Variants in ADAMTSL3 observed in about 807,000 individuals in gnomAD.
ADAMTSL3 encodes ADAMTS-like protein 3.
A neutral mutation model predicts 201.7 loss-of-function variants in ADAMTSL3; 128 were observed. The ratio of observed to expected loss-of-function variants is 0.63; its 90% CI spans 0.55 to 0.73. The LOEUF (loss-of-function observed/expected upper bound fraction) is 0.73. Ranked by LOEUF, ADAMTSL3 falls within the 30% of genes least tolerant of loss-of-function variation. The probability of loss-of-function intolerance (pLI) is 0.00; values close to 1 mark genes in which losing one functional copy is unlikely to be tolerated. For missense variants in ADAMTSL3, 1,990 were observed against 2,119.6 expected, an observed-to-expected ratio of 0.94 and a Z score of 1.20; for synonymous variants, 738 against 748.4, an observed-to-expected ratio of 0.99 and a Z score of 0.23.
intron 24 of ADAMTSL3, among the ~76,000 whole-genome samples, chr15:84,015,851 C>A (rs773903047): frequency 6.6e-6 from 1 of 152,228 alleles, no homozygotes; most frequent in Non-Finnish European, 1.5e-5. Flanking sequence ...TCCTACCTGG[C>A]ATACCTCTTC....
At chr15:83,846,085 C>T (rs962828387) in intron 7 of ADAMTSL3, among the ~76,000 whole-genome samples, 1 of 152,170 alleles carries the variant, frequency 6.6e-6, no homozygotes, top group Admixed American at 6.5e-5. Flanking sequence ...TTATTAGTAG[C>T]CAAGCACTGC....
chr15:83,913,037 C>G, intron 15 of ADAMTSL3, 55 bp from the exon 16 acceptor site: 1 of 1,566,260 alleles, frequency 6.4e-7, no homozygotes, highest in Non-Finnish European at 8.7e-7. Flanking sequence ...CCTTTTCTGG[C>G]CTATATTTAA....
chr15:84,032,685 G>A (rs1163496423), intron 28 of ADAMTSL3, among the ~76,000 whole-genome samples: 1 of 151,918 alleles, frequency 6.6e-6, no homozygotes, highest in African/African-American at 2.4e-5. Context: ...TTTTAATTTT[G>A]TACTTAATAC....
chr15:83,886,461 A>G (rs1356663310), intron 10 of ADAMTSL3, among the ~76,000 whole-genome samples: 2 of 152,194 alleles, frequency 1.3e-5, no homozygotes, highest in East Asian at 3.9e-4. Flanking sequence ...TGTAAAGAGC[A>G]TACAGTAGTA....
chr15:83,726,281 A>G (rs1168131059), intron 3 of ADAMTSL3, among the ~76,000 whole-genome samples: 1 of 152,028 alleles, frequency 6.6e-6, no homozygotes, highest in Non-Finnish European at 1.5e-5. Context: ...GTCAGTTCTA[A>G]TAGTTTTTTT....
At chr15:83,825,119 T>C (rs532249656) in intron 6 of ADAMTSL3, among the ~76,000 whole-genome samples, 1 of 152,312 alleles carries the variant, frequency 6.6e-6, no homozygotes, top group African/African-American at 2.4e-5. Flanking sequence ...AAGTAGACTT[T>C]TGACAAAAGG....
chr15:83,662,225 A>G (rs2061177823), intron 2 of ADAMTSL3, among the ~76,000 whole-genome samples: 1 of 143,842 alleles, frequency 7.0e-6, no homozygotes, highest in Admixed American at 7.0e-5. Context: ...CATATACACC[A>G]TGGAATACTA....
At chr15:83,801,187 C>T (rs753919990) in intron 4 of ADAMTSL3, among the ~76,000 whole-genome samples, 2 of 152,076 alleles carry the variant, frequency 1.3e-5, no homozygotes, top group Admixed American at 6.6e-5. Flanking sequence ...TAAGACATGG[C>T]CAACCCATTG....
intron 2 of ADAMTSL3, among the ~76,000 whole-genome samples, chr15:83,674,799 G>A (rs919859911): frequency 2.1e-5 from 2 of 94,164 alleles, no homozygotes; most frequent in African/African-American, 7.6e-5. Context: ...AAATCTTGCT[G>A]GAATTTTGAT....
At chr15:83,823,662 C>T (rs1185957619) in intron 6 of ADAMTSL3, among the ~76,000 whole-genome samples, 1 of 152,202 alleles carries the variant, frequency 6.6e-6, no homozygotes, top group African/African-American at 2.4e-5. Context: ...CTGTTCTGTT[C>T]TCCGAGCTCC....
chr15:83,762,123 T>C (rs8026199), intron 3 of ADAMTSL3, among the ~76,000 whole-genome samples: 66,373 of 151,584 alleles, frequency 0.44, 16,901 homozygotes, highest in African/African-American at 0.7. Flanking sequence ...TGATCTCAGC[T>C]CACTGCAACC....
intron 3 of ADAMTSL3, among the ~76,000 whole-genome samples, chr15:83,727,475 T>C (rs930837918): frequency 2.0e-5 from 3 of 152,184 alleles, no homozygotes; most frequent in African/African-American, 7.2e-5. Context: ...GATGCATCAT[T>C]AGGTTGTTTA....
intron 8 of ADAMTSL3, chr15:83,863,047 T>A (rs1292425349): frequency 6.6e-6 from 1 of 151,806 alleles, no homozygotes; most frequent in African/African-American, 2.4e-5. Flanking sequence ...TGGTAAAGGG[T>A]TCAATTCAAC....
intron 4 of ADAMTSL3, among the ~76,000 whole-genome samples, chr15:83,775,038 G>A (rs1338707579): frequency 6.6e-6 from 1 of 152,010 alleles, no homozygotes; most frequent in Non-Finnish European, 1.5e-5. Flanking sequence ...ATAGAGATGG[G>A]GTTTCACCAT....
Position 83,983,076 on chromosome 15 carries a change from C to T in ADAMTSL3, c.3448C>T (p.Gln1150Ter), listed in dbSNP as rs772006785. ...CCAGGAAGAGACACCTCCTGCTGCTCAGCTCAGAGGGGAAACAGGGAGTGT... is the reference window on the plus strand; with the variant it reads ...CCAGGAAGAGACACCTCCTGCTGCTTAGCTCAGAGGGGAAACAGGGAGTGT... ...GIQEETPPAA[Q>*]LRGETGSVSQ... The change falls in exon 21 of 30, where the codon CAG becomes TAG. Residue 1150 changes from glutamine to a stop codon, truncating the protein, a stop_gained. Transcript: ENST00000286744. LOFTEE classifies it high-confidence loss of function. The T allele has an allele frequency of 6.2e-7, 1 of 1,614,132 alleles. No individual in the cohort carries two copies. Among genetic ancestry groups the T allele is most frequent in the East Asian group, 2.2e-5 (1 of 44,856 alleles).
At chr15:83,964,474 A>G (rs2067038808) in intron 19 of ADAMTSL3, among the ~76,000 whole-genome samples, 2 of 152,136 alleles carry the variant, frequency 1.3e-5, no homozygotes, top group South Asian at 4.1e-4. Context: ...AGATTAGAGA[A>G]AAAAGAATGA....
chr15:83,808,762 G>A (rs2063644172), intron 5 of ADAMTSL3, among the ~76,000 whole-genome samples: 1 of 152,120 alleles, frequency 6.6e-6, no homozygotes, highest in Non-Finnish European at 1.5e-5. Flanking sequence ...TAAAGAAAAT[G>A]TGGTATATAT....
At chr15:83,917,895 T>G (rs1202750619) in intron 16 of ADAMTSL3, among the ~76,000 whole-genome samples, 2 of 152,216 alleles carry the variant, frequency 1.3e-5, no homozygotes, top group African/African-American at 4.8e-5. Context: ...GAGTGTTTAA[T>G]CACAGTGTGT....
chr15:83,874,517 T>A (rs1339887085), intron 9 of ADAMTSL3, among the ~76,000 whole-genome samples: 2 of 142,302 alleles, frequency 1.4e-5, no homozygotes, highest in African/African-American at 5.4e-5. Flanking sequence ...CGGAGAGGTG[T>A]AGGTAGAGAG....
Sources: allele counts gnomAD v4.1 joint callset (sites outside exome capture counted in the v4.1 genomes callset), GRCh38; gene constraint gnomAD v4.1.1; transcripts MANE v1.5; gene names NCBI Gene and HGNC (gene_info 2026-07-23, HGNC 2026-07-21).